Variants in NCOA6 observed in about 807,000 individuals in gnomAD.
NCOA6 encodes the protein nuclear receptor coactivator 6, also known as NRC RAP250.
Under a neutral mutation model 171.4 loss-of-function variants are expected in NCOA6, and 49 were observed. The observed-to-expected ratio is 0.29, with a 90% CI of 0.23 to 0.36. The LOEUF (loss-of-function observed/expected upper bound fraction) is 0.36. Ranked by LOEUF, NCOA6 falls within the 10% of genes least tolerant of loss-of-function variation. The pLI is 1.00. For synonymous variants in NCOA6, 910 were observed against 927.5 expected (o/e 0.98, Z 0.34); for missense variants, 2,248 against 2,554.5 (o/e 0.88, Z 2.59).
At chr20:34,795,247 T>C (rs755066849) in intron 1 of NCOA6, among the ~76,000 whole-genome samples, 37 of 152,168 alleles carry the variant, frequency 2.4e-4, no homozygotes, top group Non-Finnish European at 4.7e-4. Flanking sequence ...AAAGGATCAT[T>C]CCAGAGATTA....
intron 14 of NCOA6, among the ~76,000 whole-genome samples, chr20:34,715,995 T>C (rs1273840412): frequency 6.6e-6 from 1 of 152,162 alleles, no homozygotes. Context: ...GGTGGGCGGA[T>C]TGCCTGAGGT....
At chr20:34,811,227 A>ATATATATATC (rs2078654423) in intron 1 of NCOA6, among the ~76,000 whole-genome samples, 1 of 137,980 alleles carries the variant, frequency 7.2e-6, no homozygotes, top group Non-Finnish European at 1.6e-5. Flanking sequence ...ATATATATAT[A>ATATATATATC]TATATATATG....
chr20:34,778,616 C>T (rs369023051), intron 3 of NCOA6, among the ~76,000 whole-genome samples: 24 of 151,614 alleles, frequency 1.6e-4, no homozygotes, highest in East Asian at 2.0e-4. Context: ...TTAGTAGAGA[C>T]GGGGTTTCAC....
At position 34,808,953 on chromosome 20, in the gene NCOA6, CAG is replaced by C. The variant is rs963921729; in HGVS notation, c.-163-16392_-163-16391del. The stretch of plus-strand genomic sequence containing the variant: ...TCAAGAAAAAGCTAATTCAAGATGA[CAG>C]AGAGAGAGGCAGCTGAATGAAACTA... On this transcript the variant is annotated intron_variant, in intron 1 of 14. Transcript: ENST00000359003. Among the ~76,000 whole-genome samples, 6 of 152,262 alleles carry C rather than the reference CAG, an allele frequency of 3.9e-5. No homozygotes were observed. The East Asian group carries it at 1.2e-3, about 29-fold the overall frequency.
intron 1 of NCOA6, among the ~76,000 whole-genome samples, chr20:34,824,181 CTTG>C (rs767509001): frequency 7.3e-5 from 11 of 151,192 alleles, no homozygotes; most frequent in African/African-American, 2.0e-4. Flanking sequence ...TGCTTCATTT[CTTG>C]TTGTTTTTGT....
intron 1 of NCOA6, among the ~76,000 whole-genome samples, chr20:34,817,550 A>T (rs1220790223): frequency 1.3e-5 from 2 of 150,960 alleles, no homozygotes; most frequent in African/African-American, 2.5e-5. Flanking sequence ...ATACATCTAA[A>T]TGTAACTCTA....
intron 8 of NCOA6, among the ~76,000 whole-genome samples, chr20:34,751,020 T>G (rs1323668047): frequency 6.6e-6 from 1 of 150,988 alleles, no homozygotes; most frequent in African/African-American, 2.4e-5. Context: ...CTCAAAAAAT[T>G]AAATTAAATT....
intron 1 of NCOA6, among the ~76,000 whole-genome samples, chr20:34,814,825 C>T (rs1243855512): frequency 1.3e-5 from 2 of 152,236 alleles, no homozygotes; most frequent in Admixed American, 1.3e-4. Context: ...CTCCTAACCT[C>T]AGGTGATCCA....
chr20:34,801,844 G>A (rs1331214552), intron 1 of NCOA6, among the ~76,000 whole-genome samples: 3 of 151,666 alleles, frequency 2.0e-5, no homozygotes, highest in African/African-American at 4.9e-5. Flanking sequence ...CAGCCTCGGC[G>A]ACAGAGACTC....
intron 1 of NCOA6, among the ~76,000 whole-genome samples, chr20:34,823,676 A>G (rs2079071184): frequency 6.6e-6 from 1 of 151,068 alleles, no homozygotes; most frequent in Non-Finnish European, 1.5e-5. Flanking sequence ...TGTGGTAAAC[A>G]CCTAGAAGAG....
At chr20:34,797,039 C>T (rs867235576) in intron 1 of NCOA6, among the ~76,000 whole-genome samples, 1 of 152,146 alleles carries the variant, frequency 6.6e-6, no homozygotes, top group Non-Finnish European at 1.5e-5. Context: ...TATGCAACAA[C>T]AAAAATGTCT....
intron 6 of NCOA6, 95 bp downstream of exon 6, chr20:34,758,710 G>T: frequency 6.7e-7 from 1 of 1,491,484 alleles, no homozygotes; most frequent in Non-Finnish European, 9.1e-7. Flanking sequence ...TGTGAGTTTG[G>T]AAATTAGAAA....
intron 4 of NCOA6, among the ~76,000 whole-genome samples, chr20:34,770,029 T>C (rs954271170): frequency 6.6e-6 from 1 of 151,670 alleles, no homozygotes; most frequent in African/African-American, 2.4e-5. Flanking sequence ...CTGTCACTGA[T>C]CTAGGTCAGC....
intron 6 of NCOA6, 118 bp from the exon 7 acceptor site, chr20:34,758,222 A>G: frequency 7.5e-7 from 1 of 1,334,570 alleles, no homozygotes; most frequent in Non-Finnish European, 1.0e-6. Context: ...TCGATAAAAT[A>G]AATGCTTGTG....
rs1188740750 is a variant in NCOA6, at chr20:34,753,585, G to A, written c.1675+1137C>T. Reference sequence around the variant, plus strand: ...CTGAGGCAGAGAATTGCTTGAACCTGGGAGGTGGAGGCTGCAGTGAGCCGA... The same window carrying A: ...CTGAGGCAGAGAATTGCTTGAACCTAGGAGGTGGAGGCTGCAGTGAGCCGA... On this transcript the variant is annotated intron_variant, in intron 8 of 14. Transcript: ENST00000359003. 3.3e-5 allele frequency among the ~76,000 whole-genome samples: 5 copies of A among 152,024 alleles called. No homozygotes were observed. The East Asian group carries it at 9.8e-4, about 30-fold the overall frequency.
intron 1 of NCOA6, among the ~76,000 whole-genome samples, chr20:34,809,260 G>T (rs183797889): frequency 6.6e-4 from 100 of 152,238 alleles, no homozygotes; most frequent in Non-Finnish European, 5.4e-4. Flanking sequence ...TTATTAAGCA[G>T]ATCTTATTTA....
intron 3 of NCOA6, among the ~76,000 whole-genome samples, chr20:34,780,068 A>C (rs554594289): frequency 6.6e-5 from 10 of 152,346 alleles, no homozygotes; most frequent in African/African-American, 2.2e-4. Flanking sequence ...GTAGGCCTCC[A>C]AACAGCAAAA....
At chr20:34,746,374 G>C (rs1223759408) in intron 10 of NCOA6, among the ~76,000 whole-genome samples, 1 of 151,738 alleles carries the variant, frequency 6.6e-6, no homozygotes, top group Non-Finnish European at 1.5e-5. Flanking sequence ...TGAGTAGCTG[G>C]GACTATAGGT....
chr20:34,731,512 AATAG>A (rs2145383732), intron 13 of NCOA6, among the ~76,000 whole-genome samples: 1 of 152,340 alleles, frequency 6.6e-6, no homozygotes, highest in Non-Finnish European at 1.5e-5. Context: ...TTACTTTCCT[AATAG>A]ATACTGTGAA....
Sources: gnomAD v4.1 joint callset for allele counts (sites outside exome capture counted in the v4.1 genomes callset) on GRCh38, gnomAD v4.1.1 for gene constraint, MANE v1.5 for transcripts, NCBI Gene and HGNC (gene_info 2026-07-23, HGNC 2026-07-21) for gene names.